The following DCDC2 variants were observed in gnomAD, a reference collection of about 807,000 sequenced individuals.
DCDC2 encodes doublecortin domain-containing protein 2.
Under a neutral mutation model 50.2 loss-of-function variants are expected in DCDC2, and 40 were observed. The ratio of observed to expected loss-of-function variants is 0.80; its 90% CI spans 0.62 to 1.04. DCDC2 has a LOEUF of 1.04. Among genes scored for constraint, DCDC2 ranks in the 50% least tolerant of loss-of-function variants. The pLI, the probability that DCDC2 is intolerant of heterozygous loss-of-function variation, is 0.00. For synonymous variants in DCDC2, 234 were observed against 210.6 expected, an observed-to-expected ratio of 1.11 and a Z score of -0.96; for missense variants, 570 against 581.9, an observed-to-expected ratio of 0.98 and a Z score of 0.21.
chr6:24,244,701 G>A (rs910214591), intron 7 of DCDC2, among the ~76,000 whole-genome samples: 1 of 152,178 alleles, frequency 6.6e-6, no homozygotes, highest in African/African-American at 2.4e-5. Context: ...GAGCTTGTCA[G>A]CTCCCCCGGG....
intron 7 of DCDC2, among the ~76,000 whole-genome samples, chr6:24,274,725 A>C (rs955929290): frequency 6.6e-6 from 1 of 152,002 alleles, no homozygotes; most frequent in Non-Finnish European, 1.5e-5. Flanking sequence ...TTGGTAACTG[A>C]ATCAGTAAAT....
At chr6:24,255,510 A>C (rs1480695634) in intron 7 of DCDC2, among the ~76,000 whole-genome samples, 1 of 152,174 alleles carries the variant, frequency 6.6e-6, no homozygotes, top group Non-Finnish European at 1.5e-5. Flanking sequence ...AGTGATGACA[A>C]GCCACAGAAT....
At chr6:24,227,500 C>T (rs1053918140) in intron 7 of DCDC2, among the ~76,000 whole-genome samples, 1 of 152,162 alleles carries the variant, frequency 6.6e-6, no homozygotes, top group African/African-American at 2.4e-5. Context: ...AAGCCAGACC[C>T]GTCAAAAGAG....
chr6:24,281,936 A>G (rs1436204272), intron 6 of DCDC2, among the ~76,000 whole-genome samples: 1 of 152,204 alleles, frequency 6.6e-6, no homozygotes, highest in Non-Finnish European at 1.5e-5. Flanking sequence ...TGATTTTTCT[A>G]CTACACTGAA....
At chr6:24,181,124 A>C (rs1761062499) in intron 8 of DCDC2, among the ~76,000 whole-genome samples, 1 of 152,180 alleles carries the variant, frequency 6.6e-6, no homozygotes, top group Admixed American at 6.5e-5. Context: ...GGAGAGTCCT[A>C]ACTATCCCTC....
rs1473504329 is a variant in DCDC2, at chr6:24,178,228, T to C, written c.1326+102A>G. Reference sequence around the variant, plus strand: ...TCTTTCCTACTCAACCACAAGTGGTTTCAATACAAGTCCTAAACACTTGAT... The same window carrying C: ...TCTTTCCTACTCAACCACAAGTGGTCTCAATACAAGTCCTAAACACTTGAT... On this transcript the variant is annotated intron_variant, in intron 9 of 9. Transcript: ENST00000378454. The C allele has an allele frequency of 1.1e-5, 14 of 1,234,472 alleles. No individual in the cohort carries two copies. In the African/African-American group the frequency reaches 1.4e-4, roughly 12 times the overall value. 76.5% of individuals were successfully genotyped at this position (1,234,472 alleles called of 1,614,324 possible). A position where few individuals can be genotyped will look rare whatever the true frequency, so the allele number is the denominator to read the frequency against.
chr6:24,287,127 T>G (rs1259511729), intron 6 of DCDC2, among the ~76,000 whole-genome samples: 1 of 152,164 alleles, frequency 6.6e-6, no homozygotes, highest in Non-Finnish European at 1.5e-5. Flanking sequence ...AACACTAGAC[T>G]CTTCATTCTG....
the DCDC2 span, among the ~76,000 whole-genome samples, chr6:24,373,838 G>A: frequency 6.6e-6 from 1 of 152,110 alleles, no homozygotes; most frequent in Admixed American, 6.5e-5. Flanking sequence ...TTCTCATTTA[G>A]AAGGAAGAAA....
chr6:24,233,210 G>A (rs1742308556), intron 7 of DCDC2, among the ~76,000 whole-genome samples: 1 of 152,146 alleles, frequency 6.6e-6, no homozygotes, highest in South Asian at 2.1e-4. Flanking sequence ...TAGTCCTACT[G>A]GCTTCACAAA....
chr6:24,359,392 T>C (rs1223417098), upstream of DCDC2, among the ~76,000 whole-genome samples: 1 of 77,966 alleles, frequency 1.3e-5, no homozygotes, highest in Non-Finnish European at 2.2e-5. Flanking sequence ...ATATATTATA[T>C]ATTATATATA....
chr6:24,353,531 G>T, intron 2 of DCDC2, 38 bp downstream of exon 2: 3 of 1,308,420 alleles, frequency 2.3e-6, no homozygotes, highest in Non-Finnish European at 3.2e-6. Flanking sequence ...AAATGGCACC[G>T]TTATTTATTT....
At chr6:24,262,107 T>G (rs1444597916) in intron 7 of DCDC2, among the ~76,000 whole-genome samples, 4 of 151,818 alleles carry the variant, frequency 2.6e-5, no homozygotes, top group Non-Finnish European at 4.4e-5. Flanking sequence ...CAGTCTTGAA[T>G]TGCCTACACC....
chr6:24,275,815 T>C (rs1763339433), intron 7 of DCDC2, among the ~76,000 whole-genome samples: 1 of 151,904 alleles, frequency 6.6e-6, no homozygotes, highest in Non-Finnish European at 1.5e-5. Context: ...AACACAAATG[T>C]TGTTAAAAAC....
rs986229884 is a variant in DCDC2, at chr6:24,173,430, C to T, written c.*1300G>A. The stretch of plus-strand genomic sequence containing the variant: ...TAAAATTTCAAGCTTACAACTTCCA[C>T]ATAATTAAAAATATATCCTTTAAGA... On this transcript the variant is annotated 3_prime_UTR_variant, in exon 10 of 10. Coordinates refer to ENST00000378454, the MANE Select transcript of DCDC2 (RefSeq NM_016356.5). 3.3e-5 allele frequency: 5 copies of T among 152,066 alleles called. No homozygotes were observed. The highest frequency in any genetic ancestry group is 7.4e-5 in the Non-Finnish European group (5 of 68,000). 9.4% of individuals were successfully genotyped at this position (152,066 alleles called of 1,614,324 possible).
chr6:24,332,474 G>T (rs1019121614), intron 2 of DCDC2, among the ~76,000 whole-genome samples: 9 of 152,262 alleles, frequency 5.9e-5, no homozygotes, highest in African/African-American at 1.7e-4. Context: ...TCATGCATGT[G>T]TAACAGCCCT....
At chr6:24,346,548 G>C (rs1174841188) in intron 2 of DCDC2, among the ~76,000 whole-genome samples, 3 of 152,140 alleles carry the variant, frequency 2.0e-5, no homozygotes, top group African/African-American at 7.2e-5. Flanking sequence ...CTGAGGTCAG[G>C]AGTTCGAGAC....
chr6:24,310,322 A>C (rs1759549136), intron 2 of DCDC2, among the ~76,000 whole-genome samples: 1 of 152,168 alleles, frequency 6.6e-6, no homozygotes, highest in Non-Finnish European at 1.5e-5. Context: ...TTAATCTGAA[A>C]TAGTACAGCT....
intron 2 of DCDC2, 56 bp downstream of exon 2, chr6:24,353,513 T>C (rs1760409712): frequency 3.6e-6 from 4 of 1,116,616 alleles, no homozygotes; most frequent in Non-Finnish European, 4.0e-6. Flanking sequence ...AGACACACCA[T>C]AAGAAACAAA....
intron 2 of DCDC2, among the ~76,000 whole-genome samples, chr6:24,305,416 G>A (rs1351447724): frequency 2.0e-5 from 3 of 152,080 alleles, no homozygotes; most frequent in East Asian, 3.8e-4. Flanking sequence ...ACTCAAAGTA[G>A]TATACCTGAA....
Sources: allele counts gnomAD v4.1 joint callset (sites outside exome capture counted in the v4.1 genomes callset), GRCh38; gene constraint gnomAD v4.1.1; transcripts MANE v1.5; gene names NCBI Gene and HGNC (gene_info 2026-07-23, HGNC 2026-07-21).